The following OR3A2 variants were observed in gnomAD, a reference collection of about 807,000 sequenced individuals.
OR3A2 encodes olfactory receptor 3A2.
For synonymous variants in OR3A2, 126 were observed against 159.3 expected (o/e 0.79, Z 1.57); for missense variants, 318 against 392.8 (o/e 0.81, Z 1.61).
intron 3 of OR3A2, among the ~76,000 whole-genome samples, chr17:3,304,918 C>T (rs576807953): frequency 1.2e-4 from 19 of 152,258 alleles, no homozygotes; most frequent in Admixed American, 3.3e-4. Flanking sequence ...ATGCACTGTA[C>T]GATTCCACTT....
In OR3A2 at chr17:3,367,601, G is replaced by GTATATATAATATATATATATATA. The variant is rs2049575498; in HGVS notation, c.-179+16202_-179+16203insTATATATATATATATTATATATA. ...TGTATATGTATATGTGTGTGTGTGT[G>GTATATATAATATATATATATATA]TATATATATATATATATATATGCCA... is the stretch of plus-strand genomic sequence containing the variant. On this transcript the variant is annotated intron_variant, in intron 2 of 4. Coordinates refer to the OR3A2 transcript ENST00000573491. Among the ~76,000 whole-genome samples the GTATATATAATATATATATATATA allele has an allele frequency of 1.1e-4, 13 of 122,514 alleles. 1 individual carries two copies. The highest frequency in any genetic ancestry group is 1.8e-4 in the African/African-American group (5 of 27,990). 80.4% of individuals were successfully genotyped at this position (122,514 alleles called of 152,430 possible). A position where few individuals can be genotyped will look rare whatever the true frequency, so the allele number is the denominator to read the frequency against.
intron 2 of OR3A2, among the ~76,000 whole-genome samples, chr17:3,373,151 T>C (rs898341740): frequency 1.3e-5 from 2 of 152,234 alleles, no homozygotes; most frequent in Non-Finnish European, 2.9e-5. Flanking sequence ...CACTGTGGTC[T>C]AAGAGAGTAC....
intron 2 of OR3A2, among the ~76,000 whole-genome samples, chr17:3,348,930 T>A (rs567075349): frequency 1.5e-4 from 23 of 152,072 alleles, no homozygotes; most frequent in African/African-American, 5.1e-4. Flanking sequence ...CCAGCCAAAC[T>A]AAGCTTCATA....
chr17:3,347,493 T>C lies in OR3A2; in HGVS notation c.-178-11367A>G, dbSNP rs957006664. 9.2e-5 allele frequency among the ~76,000 whole-genome samples: 14 copies of C among 151,854 alleles called. 1 individual carries two copies. Among genetic ancestry groups the C allele is most frequent in the African/African-American group, 3.1e-4 (13 of 41,400 alleles). ...CCCACCTATGAGTGAGAACATGCGG[T>C]GTTTGGTTTTTTGTTCTTGCAATAG... On this transcript the variant is annotated intron_variant, in intron 2 of 4. Coordinates refer to the OR3A2 transcript ENST00000573491.
chr17:3,325,525 A>C (rs1275053865), intron 3 of OR3A2, among the ~76,000 whole-genome samples: 1 of 151,986 alleles, frequency 6.6e-6, no homozygotes, highest in African/African-American at 2.4e-5. Context: ...TAAATGTTTT[A>C]AGTATCTCTT....
At chr17:3,277,916 T>C (rs1472774583) in exon 2 of OR3A2, 34 of 1,522,974 alleles carry the variant, frequency 2.2e-5, no homozygotes, top group Non-Finnish European at 2.9e-5. Flanking sequence ...ACTGTCTTCA[T>C]GGGAAATTTT....
intron 2 of OR3A2, among the ~76,000 whole-genome samples, chr17:3,346,625 T>G (rs537177899): frequency 4.7e-4 from 72 of 152,168 alleles, no homozygotes; most frequent in African/African-American, 1.7e-3. Flanking sequence ...CAAATACTAG[T>G]TCTTATTCAC....
At chr17:3,363,712 A>G (rs142905963) in intron 2 of OR3A2, among the ~76,000 whole-genome samples, 1 of 152,300 alleles carries the variant, frequency 6.6e-6, no homozygotes, top group East Asian at 1.9e-4. Flanking sequence ...ACACTGCTAT[A>G]AAGAACTACT....
chr17:3,369,971 T>C (rs145126011), intron 2 of OR3A2, among the ~76,000 whole-genome samples: 1 of 152,002 alleles, frequency 6.6e-6, no homozygotes, highest in African/African-American at 2.4e-5. Context: ...GCATGGCTAA[T>C]TTTTGTATTT....
intron 3 of OR3A2, among the ~76,000 whole-genome samples, chr17:3,308,027 C>T (rs1392259687): frequency 1.3e-5 from 2 of 152,162 alleles, no homozygotes; most frequent in African/African-American, 4.8e-5. Flanking sequence ...ATGTTGATTA[C>T]AAGAGTGCCG....
chr17:3,276,329 G>C (rs991802036), downstream of OR3A2, among the ~76,000 whole-genome samples: 5 of 152,118 alleles, frequency 3.3e-5, no homozygotes, highest in Admixed American at 2.6e-4. Flanking sequence ...GCAGATCACA[G>C]AACAGTATGG....
intron 3 of OR3A2, among the ~76,000 whole-genome samples, chr17:3,306,672 T>C (rs1361728319): frequency 1.3e-5 from 1 of 74,350 alleles, no homozygotes; most frequent in Non-Finnish European, 2.3e-5. Context: ...TGTGCTCTAC[T>C]ACTCTTCAAA....
chr17:3,353,014 A>AT (rs2049432719), intron 2 of OR3A2, among the ~76,000 whole-genome samples: 1 of 151,038 alleles, frequency 6.6e-6, no homozygotes, highest in Admixed American at 6.6e-5. Flanking sequence ...AGGGGATTAC[A>AT]TTTTTTATTT....
At chr17:3,383,038 C>T (rs1000192962) in intron 2 of OR3A2, among the ~76,000 whole-genome samples, 9 of 152,162 alleles carry the variant, frequency 5.9e-5, no homozygotes, top group Admixed American at 1.3e-4. Flanking sequence ...ATGGACAAAG[C>T]AGAGAGTGAC....
chr17:3,356,366 C>T (rs1026523132), intron 2 of OR3A2, among the ~76,000 whole-genome samples: 2 of 151,432 alleles, frequency 1.3e-5, no homozygotes, highest in Non-Finnish European at 2.9e-5. Context: ...CATTAACATC[C>T]TTTTCTTTCA....
intron 1 of OR3A2, among the ~76,000 whole-genome samples, chr17:3,385,726 G>A (rs990632533): frequency 1.3e-5 from 2 of 152,200 alleles, no homozygotes; most frequent in African/African-American, 4.8e-5. Flanking sequence ...ACTCTTCTGA[G>A]ATTCCGTTTC....
chr17:3,379,702 AGG>A (rs2150668838), intron 2 of OR3A2, among the ~76,000 whole-genome samples: 1 of 152,264 alleles, frequency 6.6e-6, no homozygotes, highest in Non-Finnish European at 1.5e-5. Flanking sequence ...TCGCAGCTTT[AGG>A]GGTGATGGTT....
chr17:3,378,278 T>C (rs2049701528), intron 2 of OR3A2, among the ~76,000 whole-genome samples: 1 of 152,162 alleles, frequency 6.6e-6, no homozygotes, highest in African/African-American at 2.4e-5. Context: ...CACTCTTTGG[T>C]GTCCAAAGTC....
chr17:3,375,727 T>G (rs984175219), intron 2 of OR3A2, among the ~76,000 whole-genome samples: 1 of 152,234 alleles, frequency 6.6e-6, no homozygotes, highest in Non-Finnish European at 1.5e-5. Context: ...TTGGGTAGAC[T>G]GTTTTAGTGG....
Sources: allele counts gnomAD v4.1 joint callset (sites outside exome capture counted in the v4.1 genomes callset), GRCh38; gene constraint gnomAD v4.1.1; transcripts MANE v1.5; gene names NCBI Gene and HGNC (gene_info 2026-07-23, HGNC 2026-07-21).